The following PALLD variants were observed in gnomAD, a reference collection of about 807,000 sequenced individuals.
PALLD encodes the protein palladin, cytoskeletal associated protein.
Under a neutral mutation model 123.5 loss-of-function variants are expected in PALLD, and 61 were observed. That is an observed-to-expected ratio of 0.49 (90% CI 0.40 to 0.61). The LOEUF is 0.61. PALLD is among the 20% of genes least tolerant of loss of function. The probability of loss-of-function intolerance (pLI) is 0.00; values close to 1 mark genes in which losing one functional copy is unlikely to be tolerated. For missense variants in PALLD, 1,273 were observed against 1,377.0 expected (o/e 0.92, Z 1.20); for synonymous variants, 465 against 496.4 (o/e 0.94, Z 0.84).
rs143926075 is a variant in PALLD, at chr4:168,865,760, T to G, written c.1965-25162T>G. On this transcript the variant is annotated intron_variant, in intron 10 of 21. Coordinates refer to ENST00000505667, the MANE Select transcript of PALLD (RefSeq NM_001166108.2). ...TATTCAGATGTTCAAATGTACAATCTTGAAAGACTAAAGAATGAATTTATT... is the reference window on the plus strand; with the variant it reads ...TATTCAGATGTTCAAATGTACAATCGTGAAAGACTAAAGAATGAATTTATT... 5.9e-3 allele frequency among the ~76,000 whole-genome samples: 724 copies of G among 123,722 alleles called. 6 individuals are homozygous for G. Among genetic ancestry groups the G allele is most frequent in the Admixed American group, 7.4e-3 (84 of 11,292 alleles). The allele number at this position is 123,722 out of a possible 152,430, so 81.2% of individuals were successfully genotyped here.
intron 10 of PALLD, among the ~76,000 whole-genome samples, chr4:168,836,702 A>G (rs1376373607): frequency 6.6e-6 from 1 of 152,194 alleles, no homozygotes; most frequent in African/African-American, 2.4e-5. Flanking sequence ...TGACATTCGG[A>G]TGCCTTTGTG....
At chr4:168,870,640 C>T (rs1750952979) in intron 10 of PALLD, among the ~76,000 whole-genome samples, 1 of 152,092 alleles carries the variant, frequency 6.6e-6, no homozygotes, top group East Asian at 1.9e-4. Context: ...AAATCAGGTT[C>T]TTTATAATAT....
intron 2 of PALLD, among the ~76,000 whole-genome samples, chr4:168,527,113 A>G (rs973359296): frequency 6.6e-6 from 1 of 152,162 alleles, no homozygotes; most frequent in African/African-American, 2.4e-5. Context: ...AATAACAAAC[A>G]TATACGCGAC....
At chr4:168,922,098 T>TACACACAC (rs1351389289) in intron 18 of PALLD, among the ~76,000 whole-genome samples, 131 of 107,612 alleles carry the variant, frequency 1.2e-3, no homozygotes, top group African/African-American at 4.0e-3. Context: ...TATATATATA[T>TACACACAC]ATATACACAC....
chr4:168,775,945 A>C (rs1735118030), intron 10 of PALLD, among the ~76,000 whole-genome samples: 6 of 152,204 alleles, frequency 3.9e-5, no homozygotes, highest in Admixed American at 3.9e-4. Context: ...TTTACAGTAC[A>C]TCTTAAAATC....
chr4:168,897,635 A>G (rs1191453043), intron 13 of PALLD, among the ~76,000 whole-genome samples: 1 of 152,054 alleles, frequency 6.6e-6, no homozygotes, highest in African/African-American at 2.4e-5. Context: ...AATTTTTTGT[A>G]GAGATGGGGT....
intron 2 of PALLD, among the ~76,000 whole-genome samples, chr4:168,591,887 C>G (rs926267729): frequency 6.6e-6 from 1 of 151,864 alleles, no homozygotes; most frequent in Non-Finnish European, 1.5e-5. Context: ...AAATAAAAGA[C>G]GAGGCTTTGG....
intron 2 of PALLD, among the ~76,000 whole-genome samples, chr4:168,558,433 C>G (rs980382643): frequency 6.6e-6 from 1 of 152,160 alleles, no homozygotes; most frequent in Non-Finnish European, 1.5e-5. Flanking sequence ...GTAGAGGTGG[C>G]CCTTCCTCCA....
At chr4:168,631,759 C>G in intron 2 of PALLD, 1 of 985,478 alleles carries the variant, frequency 1.0e-6, no homozygotes, top group Non-Finnish European at 1.2e-6. Context: ...GCGCGGCTGC[C>G]AGTTAATTTT....
rs544462592 is a variant in PALLD at position 168,704,251 on chromosome 4, T to TA, written c.1502-4774dup. Among the ~76,000 whole-genome samples, 33 of 152,196 alleles carry TA rather than the reference T, an allele frequency of 2.2e-4. No individual in the cohort carries two copies. The South Asian group carries it at 6.9e-3, about 32-fold the overall frequency. On this transcript the variant is annotated intron_variant, in intron 8 of 21. Transcript: ENST00000505667. ...ATTAATTCAAGATGGATTAAAGACT[T>TA]AAACATTAGACCTAAAACCATAAAA...
intron 2 of PALLD, among the ~76,000 whole-genome samples, chr4:168,586,179 GGCTTTCT>G (rs1240324755): frequency 3.5e-5 from 4 of 114,402 alleles, no homozygotes; most frequent in African/African-American, 1.5e-4. Flanking sequence ...AAAAAAAAAA[GGCTTTCT>G]AAGCAGTGCC....
At chr4:168,850,198 C>T (rs576860255) in intron 10 of PALLD, among the ~76,000 whole-genome samples, 2 of 152,192 alleles carry the variant, frequency 1.3e-5, no homozygotes, top group South Asian at 2.1e-4. Context: ...GGGGGTAGCT[C>T]GCGAGGCCTC....
intron 10 of PALLD, among the ~76,000 whole-genome samples, chr4:168,783,758 G>C (rs932071947): frequency 6.6e-6 from 1 of 152,150 alleles, no homozygotes; most frequent in African/African-American, 2.4e-5. Context: ...GGTGGGGATT[G>C]GTTGATAAGA....
At chr4:168,882,392 G>A (rs1435363889) in intron 10 of PALLD, among the ~76,000 whole-genome samples, 1 of 152,222 alleles carries the variant, frequency 6.6e-6, no homozygotes, top group African/African-American at 2.4e-5. Flanking sequence ...GAAAGCTGTT[G>A]TAGAAGCAGC....
intron 2 of PALLD, among the ~76,000 whole-genome samples, chr4:168,585,518 A>G (rs907458794): frequency 2.2e-4 from 33 of 152,308 alleles, no homozygotes; most frequent in Middle Eastern, 6.8e-3. Context: ...GATTGCAGCC[A>G]TCCCACAGCT....
At chr4:168,909,096 A>C (rs1227291633) in intron 15 of PALLD, among the ~76,000 whole-genome samples, 4 of 152,228 alleles carry the variant, frequency 2.6e-5, no homozygotes, top group African/African-American at 9.6e-5. Flanking sequence ...CTGTGCAGTT[A>C]CACCAAAGAG....
chr4:168,612,376 A>G (rs1055334210), intron 2 of PALLD, among the ~76,000 whole-genome samples: 1 of 152,036 alleles, frequency 6.6e-6, no homozygotes, highest in African/African-American at 2.4e-5. Flanking sequence ...GATTTCTCCC[A>G]TAGTGATAAT....
rs796515380 is a variant in PALLD, at chr4:168,670,770, AAAAAC to A, written c.1087+2407_1087+2411del. ...AACAAAAAAAACAAAAAAAACAAAA[AAAAAC>A]AAAAAAAAAAAAACAAAAAAAACAA... is the stretch of plus-strand genomic sequence containing the variant. On this transcript the variant is annotated intron_variant, in intron 3 of 21. Transcript: ENST00000505667. Among the ~76,000 whole-genome samples, 25 of 58,010 alleles carry A rather than the reference AAAAAC, an allele frequency of 4.3e-4. 1 individual carries two copies. The highest frequency in any genetic ancestry group is 1.6e-3 in the African/African-American group (14 of 8,572). The allele number at this position is 58,010 out of a possible 152,430, so 38.1% of individuals were successfully genotyped here. A position where few individuals can be genotyped will look rare whatever the true frequency, so the allele number is the denominator to read the frequency against.
intron 10 of PALLD, among the ~76,000 whole-genome samples, chr4:168,831,842 C>T (rs981497347): frequency 6.6e-6 from 1 of 152,214 alleles, no homozygotes; most frequent in African/African-American, 2.4e-5. Flanking sequence ...CAGGAAAGCC[C>T]GATTTGTAGC....
Sources: allele counts gnomAD v4.1 joint callset (sites outside exome capture counted in the v4.1 genomes callset), GRCh38; gene constraint gnomAD v4.1.1; transcripts MANE v1.5; gene names NCBI Gene and HGNC (gene_info 2026-07-23, HGNC 2026-07-21).